CDK5RAP1: variants seen among roughly 807,000 people sequenced by gnomAD.
The protein encoded by CDK5RAP1 is CDK5RAP1 mitochondrial tRNA methylthiotransferase, also known as mitochondrial tRNA methylthiotransferase CDK5RAP1.
A neutral mutation model predicts 64.5 loss-of-function variants in CDK5RAP1; 62 were observed. That is an observed-to-expected ratio of 0.96 (90% CI 0.78 to 1.19). The LOEUF is 1.19. Among genes scored for constraint, CDK5RAP1 ranks in the 50% most tolerant of loss-of-function variants. The pLI is 0.00. For missense variants in CDK5RAP1, 657 were observed against 735.0 expected (o/e 0.89, Z 1.23); for synonymous variants, 250 against 261.9 (o/e 0.95, Z 0.44).
intron 11 of CDK5RAP1, 75 bp from the exon 12 acceptor site, chr20:33,367,083 GC>G: frequency 6.9e-7 from 1 of 1,445,402 alleles, no homozygotes; most frequent in Non-Finnish European, 9.4e-7. Context: ...TGCACAGAGG[GC>G]GACCATGTTC....
At chr20:33,369,431 C>T (rs1465037030) in intron 11 of CDK5RAP1, among the ~76,000 whole-genome samples, 8 of 151,454 alleles carry the variant, frequency 5.3e-5, no homozygotes, top group African/African-American at 1.9e-4. Context: ...TGCAGTGAGT[C>T]GAGATTGCGC....
At chr20:33,367,450 A>G (rs1198744757) in intron 11 of CDK5RAP1, among the ~76,000 whole-genome samples, 1 of 152,256 alleles carries the variant, frequency 6.6e-6, no homozygotes, top group African/African-American at 2.4e-5. Context: ...TGATAGTTCT[A>G]TATGTACTAA....
chr20:33,385,121 G>C (rs1261479453), intron 7 of CDK5RAP1, among the ~76,000 whole-genome samples: 4 of 152,136 alleles, frequency 2.6e-5, no homozygotes, highest in Non-Finnish European at 1.5e-5. Context: ...GGAGAAAGAA[G>C]AGCAGATCTC....
At chr20:33,368,878 TA>T (rs1023633667) in intron 11 of CDK5RAP1, among the ~76,000 whole-genome samples, 1 of 141,652 alleles carries the variant, frequency 7.1e-6, no homozygotes, top group Non-Finnish European at 1.5e-5. Flanking sequence ...TCTCAAAAAA[TA>T]AAAAAAAAGA....
intron 12 of CDK5RAP1, among the ~76,000 whole-genome samples, chr20:33,365,230 G>A (rs907066013): frequency 3.3e-5 from 5 of 151,988 alleles, no homozygotes; most frequent in Non-Finnish European, 7.4e-5. Context: ...TAATAGGTAT[G>A]CCAGCATTCA....
intron 12 of CDK5RAP1, among the ~76,000 whole-genome samples, chr20:33,360,801 T>C (rs149737260): frequency 2.0e-5 from 3 of 152,334 alleles, no homozygotes; most frequent in East Asian, 1.9e-4. Context: ...TTATGAGCGA[T>C]GCATTTGGAA....
At chr20:33,392,296 T>C in intron 4 of CDK5RAP1, 54 bp from the exon 5 acceptor site, 1 of 1,096,318 alleles carries the variant, frequency 9.1e-7, no homozygotes, top group South Asian at 1.4e-5. Flanking sequence ...CAGAGGTATC[T>C]AAGAGAGTAG....
intron 2 of CDK5RAP1, 135 bp from the exon 3 acceptor site, chr20:33,395,251 C>A: frequency 5.0e-6 from 3 of 603,682 alleles, no homozygotes; most frequent in Non-Finnish European, 9.0e-6. Flanking sequence ...TTGCTTCAAT[C>A]TTAAGATAAC....
At chr20:33,371,296 A>C (rs935368485) in intron 10 of CDK5RAP1, among the ~76,000 whole-genome samples, 1 of 152,108 alleles carries the variant, frequency 6.6e-6, no homozygotes, top group Non-Finnish European at 1.5e-5. Flanking sequence ...CCTATCCCCC[A>C]CCAAAAAAAT....
chr20:33,372,276 T>TG (rs1555805184), intron 10 of CDK5RAP1, among the ~76,000 whole-genome samples: 1 of 139,018 alleles, frequency 7.2e-6, no homozygotes, highest in Non-Finnish European at 1.5e-5. Flanking sequence ...TTCTTATTTC[T>TG]AAAAAAAAAA....
intron 2 of CDK5RAP1, among the ~76,000 whole-genome samples, chr20:33,395,542 G>A (rs943120592): frequency 7.9e-5 from 12 of 152,082 alleles, no homozygotes; most frequent in Non-Finnish European, 1.2e-4. Context: ...TGAGGCTGCC[G>A]TGAGCCATGA....
At position 33,391,897 on chromosome 20, in the gene CDK5RAP1, G is replaced by A. The variant is rs912116145; in HGVS notation, c.544+245C>T. On this transcript the variant is annotated intron_variant, in intron 5 of 13. Transcript: ENST00000346416. The stretch of plus-strand genomic sequence containing the variant: ...CCATAACTCTGTGCTACCATGAGCC[G>A]CATTAGACTCTAGGCAGGATATACC... Among the ~76,000 whole-genome samples, 7 of 151,880 alleles carry A rather than the reference G, an allele frequency of 4.6e-5. No individual in the cohort carries two copies. In the East Asian group the frequency reaches 5.8e-4, roughly 13 times the overall value.
chr20:33,363,260 A>C (rs938090539), intron 12 of CDK5RAP1, among the ~76,000 whole-genome samples: 3 of 152,232 alleles, frequency 2.0e-5, no homozygotes, highest in African/African-American at 7.2e-5. Flanking sequence ...CCTAGACTAA[A>C]GGAGACTAGA....
At chr20:33,389,250 G>A (rs1287301088) in intron 5 of CDK5RAP1, among the ~76,000 whole-genome samples, 1 of 151,864 alleles carries the variant, frequency 6.6e-6, no homozygotes, top group African/African-American at 2.4e-5. Context: ...CCTCTGGGAT[G>A]TGAGGAGCGC....
Position 33,360,458 on chromosome 20 carries a change from T to C in CDK5RAP1, c.1576A>G (p.Arg526Gly). Residue 526 changes from arginine to glycine, a missense_variant, in exon 13 of 14, where the codon AGG becomes GGG. Physicochemically the swap from Arg to Gly is moderately radical, Grantham distance 125. Transcript: ENST00000346416. ...ATCACCTTAAGGTTTCCATCATTCCTGCCACACAGGTCAGTGGCAGAGCGT... is the reference window on the plus strand; with the variant it reads ...ATCACCTTAAGGTTTCCATCATTCCCGCCACACAGGTCAGTGGCAGAGCGT... ...SKRSATDLCG[R>G]NDGNLKVIFP... 1.2e-6 allele frequency: 2 copies of C among 1,613,744 alleles called. No individual in the cohort carries two copies. The highest frequency in any genetic ancestry group is 1.7e-6 in the Non-Finnish European group (2 of 1,179,820).
At chr20:33,369,439 C>T (rs1031035912) in intron 11 of CDK5RAP1, among the ~76,000 whole-genome samples, 5 of 151,206 alleles carry the variant, frequency 3.3e-5, no homozygotes, top group Non-Finnish European at 5.9e-5. Context: ...GTCGAGATTG[C>T]GCAACTGCAC....
intron 11 of CDK5RAP1, among the ~76,000 whole-genome samples, chr20:33,368,625 C>A (rs1276994747): frequency 1.3e-5 from 2 of 151,978 alleles, no homozygotes; most frequent in Non-Finnish European, 2.9e-5. Flanking sequence ...GTAATCCCAG[C>A]ACTTTGGGAG....
intron 13 of CDK5RAP1, 25 bp downstream of exon 13, chr20:33,360,326 C>A (rs1346182723): frequency 1.9e-6 from 3 of 1,609,446 alleles, no homozygotes; most frequent in Non-Finnish European, 1.7e-6. Flanking sequence ...ACAGTGCAAG[C>A]CAAAAGCCCA....
At position 33,396,895 on chromosome 20, in the gene CDK5RAP1, G is replaced by A. The variant is rs1988950136; in HGVS notation, c.170C>T (p.Ser57Phe). 2.5e-6 allele frequency: 4 copies of A among 1,614,076 alleles called. No homozygotes were observed. Among genetic ancestry groups the A allele is most frequent in the Non-Finnish European group, 3.4e-6 (4 of 1,180,028 alleles). The change falls in exon 2 of 14, where the codon TCC (serine) becomes TTC (phenylalanine). Residue 57 changes from serine to phenylalanine, a missense_variant. Transcript: ENST00000346416. ...QEDGARKDFS[S>F]RLAAGPTFQH... ...AAAAGTCGGTCCAGCAGCCAGCCTG[G>A]AGCTGAAATCCTTCCGAGCTCCATC...
Sources: allele counts gnomAD v4.1 joint callset (sites outside exome capture counted in the v4.1 genomes callset), GRCh38; gene constraint gnomAD v4.1.1; transcripts MANE v1.5; gene names NCBI Gene and HGNC (gene_info 2026-07-23, HGNC 2026-07-21).